Variants in NTM observed in about 807,000 individuals in gnomAD.
NTM encodes neurotrimin.
In NTM, 13 loss-of-function variants were observed where a neutral mutation model predicts 42.1. The ratio of observed to expected loss-of-function variants is 0.31; its 90% confidence interval spans 0.20 to 0.49. The LOEUF (loss-of-function observed/expected upper bound fraction) is 0.49, where lower values mean the gene tolerates loss of function less well. Among genes scored for constraint, NTM ranks in the 20% least tolerant of loss-of-function variants. The pLI is 0.99. For missense variants in NTM, 373 were observed against 452.8 expected, an observed-to-expected ratio of 0.82 and a Z score of 1.60; for synonymous variants, 187 against 179.2, an observed-to-expected ratio of 1.04 and a Z score of -0.35.
intron 3 of NTM, 113 bp from the exon 4 acceptor site, chr11:132,211,909 C>T: frequency 1.1e-6 from 1 of 919,608 alleles, no homozygotes; most frequent in Non-Finnish European, 1.5e-6. Context: ...TTATCGTTAA[C>T]TTACTGTAGT....
intron 1 of NTM, among the ~76,000 whole-genome samples, chr11:131,774,510 C>T (rs994093719): frequency 6.6e-6 from 1 of 152,106 alleles, no homozygotes; most frequent in Non-Finnish European, 1.5e-5. Flanking sequence ...TGTATCATTC[C>T]ACCTAGGTCA....
At chr11:131,466,986 TAC>T (rs772994669) in intron 1 of NTM, among the ~76,000 whole-genome samples, 1 of 152,174 alleles carries the variant, frequency 6.6e-6, no homozygotes, top group African/African-American at 2.4e-5. Context: ...TGCATACACG[TAC>T]ACACACGCAC....
intron 1 of NTM, among the ~76,000 whole-genome samples, chr11:131,514,794 T>A (rs2048687463): frequency 6.6e-6 from 1 of 152,132 alleles, no homozygotes. Context: ...TTTCTCTATG[T>A]TACCCATGCT....
intron 2 of NTM, among the ~76,000 whole-genome samples, chr11:132,033,695 T>C (rs759486852): frequency 2.6e-5 from 4 of 152,214 alleles, no homozygotes; most frequent in Non-Finnish European, 5.9e-5. Context: ...AATTCTTAAA[T>C]GAAAAATCAA....
intron 1 of NTM, among the ~76,000 whole-genome samples, chr11:131,562,007 A>G (rs981993040): frequency 6.6e-6 from 1 of 152,144 alleles, no homozygotes; most frequent in Non-Finnish European, 1.5e-5. Flanking sequence ...TTTTTAAGTC[A>G]TTTTTCTCTC....
At chr11:131,574,098 G>T (rs867224521) in intron 1 of NTM, among the ~76,000 whole-genome samples, 34 of 152,212 alleles carry the variant, frequency 2.2e-4, no homozygotes, top group African/African-American at 6.0e-4. Flanking sequence ...TAGACGCCCA[G>T]TGTGGTGTCT....
intron 1 of NTM, among the ~76,000 whole-genome samples, chr11:131,668,107 A>G (rs1046505940): frequency 1.3e-5 from 2 of 152,160 alleles, no homozygotes; most frequent in African/African-American, 4.8e-5. Context: ...TGCAACTCAC[A>G]TGAGAAGAAG....
At position 132,028,798 on chromosome 11, in the gene NTM, T is replaced by C. The variant is rs148334516; in HGVS notation, c.167+117150T>C. On this transcript the variant is annotated intron_variant, in intron 2 of 8. Transcript: ENST00000683400. ...CCTTCATAAGAACAGGATGCATGTG[T>C]CATATTTCAAAATGGCTGCCTTTGC... Among the ~76,000 whole-genome samples the C allele has an allele frequency of 1.2e-3, 177 of 152,262 alleles. 1 individual carries two copies. Among genetic ancestry groups the C allele is most frequent in the African/African-American group, 4.1e-3 (171 of 41,544 alleles).
rs999264494 is a variant in NTM at position 131,917,069 on chromosome 11, C to T, written c.167+5421C>T. On this transcript the variant is annotated intron_variant, in intron 2 of 8. Transcript: ENST00000683400. ...TGGAGTTTTTCTTCAGAACAATCAT[C>T]TCCATCTGAAGTTATCCCATTCATT... 4.6e-5 allele frequency among the ~76,000 whole-genome samples: 7 copies of T among 152,234 alleles called. No homozygotes were observed. The East Asian group carries it at 1.3e-3, about 29-fold the overall frequency.
intron 1 of NTM, among the ~76,000 whole-genome samples, chr11:131,861,163 C>A (rs896796987): frequency 5.3e-5 from 8 of 152,144 alleles, no homozygotes; most frequent in African/African-American, 1.7e-4. Context: ...AAGAAGACAT[C>A]ATTTTCCATT....
At chr11:132,268,670 C>CTGTGTGTGTGTG (rs780327988) in intron 4 of NTM, among the ~76,000 whole-genome samples, 1 of 146,320 alleles carries the variant, frequency 6.8e-6, no homozygotes, top group African/African-American at 2.6e-5. Flanking sequence ...CTCTCTCTCT[C>CTGTGTGTGTGTG]TGTGTGTGTG....
intron 4 of NTM, among the ~76,000 whole-genome samples, chr11:132,307,299 T>G (rs2095123171): frequency 6.6e-6 from 1 of 152,222 alleles, no homozygotes; most frequent in African/African-American, 2.4e-5. Flanking sequence ...AAATTTTATA[T>G]TCAAGGCTCA....
At chr11:132,070,959 G>T in intron 2 of NTM, among the ~76,000 whole-genome samples, 1 of 106,866 alleles carries the variant, frequency 9.4e-6, no homozygotes, top group Non-Finnish European at 2.0e-5. Flanking sequence ...CAAACTGACC[G>T]TCACAGGTTA....
At chr11:131,587,628 A>AT (rs1490978652) in intron 1 of NTM, among the ~76,000 whole-genome samples, 9 of 152,256 alleles carry the variant, frequency 5.9e-5, no homozygotes, top group African/African-American at 1.9e-4. Context: ...TATATTATAT[A>AT]TTTTTTAATT....
intron 2 of NTM, among the ~76,000 whole-genome samples, chr11:132,044,379 A>T (rs2077689656): frequency 6.6e-6 from 1 of 152,178 alleles, no homozygotes; most frequent in African/African-American, 2.4e-5. Context: ...CAATACCTGG[A>T]AATCAGAGTC....
At chr11:131,505,383 T>C (rs1009398714) in intron 1 of NTM, among the ~76,000 whole-genome samples, 1 of 152,198 alleles carries the variant, frequency 6.6e-6, no homozygotes, top group Non-Finnish European at 1.5e-5. Flanking sequence ...CAAAGTATGG[T>C]TCCCCAAACA....
At chr11:132,216,262 T>G (rs1333170831) in intron 4 of NTM, among the ~76,000 whole-genome samples, 1 of 152,218 alleles carries the variant, frequency 6.6e-6, no homozygotes, top group African/African-American at 2.4e-5. Context: ...TCTGAAAGCC[T>G]TATTGTTATG....
chr11:132,058,924 T>C (rs369273961), intron 2 of NTM, among the ~76,000 whole-genome samples: 10 of 152,192 alleles, frequency 6.6e-5, no homozygotes, highest in Admixed American at 6.5e-5. Flanking sequence ...ATGTGTGTGA[T>C]AGATATTGTG....
At chr11:131,551,933 C>T (rs2054718603) in intron 1 of NTM, among the ~76,000 whole-genome samples, 1 of 152,182 alleles carries the variant, frequency 6.6e-6, no homozygotes. Flanking sequence ...CCTCTTTGGC[C>T]ATCCAACACA....
Sources: allele counts gnomAD v4.1 joint callset (sites outside exome capture counted in the v4.1 genomes callset), GRCh38; gene constraint gnomAD v4.1.1; transcripts MANE v1.5; gene names NCBI Gene and HGNC (gene_info 2026-07-23, HGNC 2026-07-21).